Variants in CDH12 observed in about 807,000 individuals in gnomAD.
The protein encoded by CDH12 is cadherin-12.
In CDH12, 41 loss-of-function variants were observed where a neutral mutation model predicts 74.1. That is an observed-to-expected ratio of 0.55 (90% CI 0.43 to 0.72). The LOEUF (loss-of-function observed/expected upper bound fraction) is 0.72. Among genes scored for constraint, CDH12 ranks in the 30% least tolerant of loss-of-function variants. CDH12 has a pLI of 0.00. For synonymous variants in CDH12, 399 were observed against 355.0 expected, an observed-to-expected ratio of 1.12 and a Z score of -1.39; for missense variants, 945 against 977.2, an observed-to-expected ratio of 0.97 and a Z score of 0.44.
intron 6 of CDH12, among the ~76,000 whole-genome samples, chr5:21,945,816 A>C (rs143560096): frequency 1.0e-3 from 158 of 152,192 alleles, no homozygotes; most frequent in African/African-American, 3.6e-3. Context: ...TAACATTCAT[A>C]ATCACAGGGG....
chr5:21,864,762 A>T (rs926302526), intron 6 of CDH12, among the ~76,000 whole-genome samples: 1 of 152,226 alleles, frequency 6.6e-6, no homozygotes, highest in Non-Finnish European at 1.5e-5. Context: ...CACCATGAAC[A>T]CAGTATTAAG....
rs1751601049 is a variant in CDH12 at position 22,212,528 on chromosome 5, G to A, written c.-217C>T. 1.0e-6 allele frequency: 1 copy of A among 984,880 alleles called. No individual in the cohort carries two copies. The highest frequency in any genetic ancestry group is 1.7e-5 in the African/African-American group (1 of 57,210). 61.0% of individuals were successfully genotyped at this position (984,880 alleles called of 1,614,324 possible). A position where few individuals can be genotyped will look rare whatever the true frequency, so the allele number is the denominator to read the frequency against. On this transcript the variant is annotated 5_prime_UTR_variant, in exon 4 of 15. Coordinates refer to ENST00000382254, the MANE Select transcript of CDH12 (RefSeq NM_004061.5). ...TTGAAATTTTCTCTGTGAACGAGGT[G>A]AGAAATCCGTCAAATCAACCGTGAA... is the stretch of plus-strand genomic sequence containing the variant.
intron 1 of CDH12, among the ~76,000 whole-genome samples, chr5:22,584,556 T>G (rs1293121510): frequency 1.3e-5 from 2 of 152,222 alleles, no homozygotes; most frequent in African/African-American, 4.8e-5. Flanking sequence ...TTTTTTTGTG[T>G]GTTACAAACA....
chr5:22,376,571 A>T (rs1215976967), intron 3 of CDH12, among the ~76,000 whole-genome samples: 1 of 152,094 alleles, frequency 6.6e-6, no homozygotes, highest in Non-Finnish European at 1.5e-5. Flanking sequence ...TCACTCTGTC[A>T]TCCAGGCTGG....
At chr5:21,959,850 C>T (rs771913805) in intron 6 of CDH12, among the ~76,000 whole-genome samples, 28 of 145,340 alleles carry the variant, frequency 1.9e-4, no homozygotes, top group Admixed American at 7.0e-4. Context: ...CACTTGAACC[C>T]GGGAGGCGGA....
chr5:22,194,318 T>TG (rs1340564341), intron 4 of CDH12, among the ~76,000 whole-genome samples: 10 of 151,152 alleles, frequency 6.6e-5, no homozygotes, highest in Middle Eastern at 3.4e-3. Flanking sequence ...CTTTTTTTTT[T>TG]TTTTGTTTTG....
At chr5:22,752,555 T>C (rs1168245863) in intron 1 of CDH12, among the ~76,000 whole-genome samples, 5 of 19,926 alleles carry the variant, frequency 2.5e-4, no homozygotes, top group Non-Finnish European at 3.2e-4. Context: ...CTTTTTTTTT[T>C]TTTTTTTTTT....
At chr5:21,763,741 GA>G (rs1744852226) in intron 12 of CDH12, among the ~76,000 whole-genome samples, 1 of 151,838 alleles carries the variant, frequency 6.6e-6, no homozygotes, top group African/African-American at 2.4e-5. Context: ...ACTTTAGGAG[GA>G]AAAAAATAAG....
chr5:22,190,946 G>T (rs183992853), intron 4 of CDH12, among the ~76,000 whole-genome samples: 2 of 152,120 alleles, frequency 1.3e-5, no homozygotes, highest in African/African-American at 4.8e-5. Context: ...TATGTATTTC[G>T]CTCCCTTGCC....
Position 22,401,788 on chromosome 5 carries a change from T to A in CDH12, c.-333+3469A>T, listed in dbSNP as rs1742739858. Among the ~76,000 whole-genome samples the A allele has an allele frequency of 3.9e-5, 6 of 152,128 alleles. No individual in the cohort carries two copies. In the South Asian group the frequency reaches 1.2e-3, roughly 32 times the overall value. ...ATCCTAGACTAGGTTGGGCCTAACA[T>A]CCAATAAGAGTATCTTTGTAAGAGA... is the stretch of plus-strand genomic sequence containing the variant. On this transcript the variant is annotated intron_variant, in intron 3 of 14. Transcript: ENST00000382254.
At chr5:22,787,158 A>C (rs1030425500) in intron 1 of CDH12, among the ~76,000 whole-genome samples, 4 of 151,310 alleles carry the variant, frequency 2.6e-5, no homozygotes, top group South Asian at 2.1e-4. Flanking sequence ...ACACACACAC[A>C]CCCCACAGCC....
rs182876421 is a variant in CDH12 at position 22,471,110 on chromosome 5, G to A, written c.-428+34160C>T. Among the ~76,000 whole-genome samples the A allele has an allele frequency of 5.2e-4, 79 of 151,650 alleles. 1 individual carries two copies. The highest frequency in any genetic ancestry group is 8.5e-4 in the Admixed American group (13 of 15,228). ...AAGCTTCTAGGATAATCTCTTTCTC[G>A]GTTGATGAACTTACTCCTAGTTCCC... On this transcript the variant is annotated intron_variant, in intron 2 of 14. Coordinates refer to ENST00000382254, the MANE Select transcript of CDH12 (RefSeq NM_004061.5).
chr5:22,153,997 T>C (rs1747828315), intron 4 of CDH12, among the ~76,000 whole-genome samples: 2 of 148,812 alleles, frequency 1.3e-5, no homozygotes, highest in South Asian at 2.1e-4. Context: ...TATATGTATA[T>C]ATATGTATAT....
intron 1 of CDH12, among the ~76,000 whole-genome samples, chr5:22,774,397 C>T (rs1433979946): frequency 9.2e-5 from 14 of 152,132 alleles, no homozygotes; most frequent in Admixed American, 9.2e-4. Flanking sequence ...ACCACATGTT[C>T]TCCCTTACAA....
Position 22,135,639 on chromosome 5 carries a change from G to C in CDH12, c.-186-56777C>G, listed in dbSNP as rs181204718. On this transcript the variant is annotated intron_variant, in intron 4 of 14. Coordinates refer to ENST00000382254, the MANE Select transcript of CDH12 (RefSeq NM_004061.5). ...AGACCGAGTGGTCTTCAGCATGTCT[G>C]AAGAATGAAGAGAAGGCTGGAGGTT... 3.7e-4 allele frequency among the ~76,000 whole-genome samples: 56 copies of C among 152,052 alleles called. No individual in the cohort carries two copies. The East Asian group carries it at 0.011, about 29-fold the overall frequency.
chr5:22,162,562 C>T (rs918399088), intron 4 of CDH12, among the ~76,000 whole-genome samples: 5 of 152,172 alleles, frequency 3.3e-5, no homozygotes, highest in African/African-American at 1.2e-4. Context: ...GTAAACCAGA[C>T]ACAGGTCAGA....
chr5:21,929,247 C>T (rs1007485754), intron 6 of CDH12, among the ~76,000 whole-genome samples: 7 of 151,940 alleles, frequency 4.6e-5, no homozygotes, highest in African/African-American at 1.2e-4. Flanking sequence ...AAGCACATTA[C>T]ATTTACTGTG....
intron 2 of CDH12, among the ~76,000 whole-genome samples, chr5:22,487,491 G>A (rs771090440): frequency 1.1e-4 from 16 of 152,144 alleles, no homozygotes; most frequent in Admixed American, 2.0e-4. Flanking sequence ...ACTGCCAGGT[G>A]AAAGACAGTG....
At chr5:22,574,435 A>C (rs1425791557) in intron 1 of CDH12, among the ~76,000 whole-genome samples, 1 of 151,850 alleles carries the variant, frequency 6.6e-6, no homozygotes, top group Non-Finnish European at 1.5e-5. Context: ...ACTCCCTTAC[A>C]CTGTGCCATT....
Sources: allele counts gnomAD v4.1 joint callset (sites outside exome capture counted in the v4.1 genomes callset), GRCh38; gene constraint gnomAD v4.1.1; transcripts MANE v1.5; gene names NCBI Gene and HGNC (gene_info 2026-07-23, HGNC 2026-07-21).